The following HDHD2 variants were observed in gnomAD, a reference collection of about 807,000 sequenced individuals.
HDHD2 encodes haloacid dehalogenase-like hydrolase domain-containing protein 2.
A neutral mutation model predicts 24.8 loss-of-function variants in HDHD2; 26 were observed. That is an observed-to-expected ratio of 1.05 (90% CI 0.77 to 1.45). The LOEUF is 1.45. Ranked by LOEUF, HDHD2 falls within the 40% of genes most tolerant of loss-of-function variation. The probability of loss-of-function intolerance (pLI) is 0.00; values close to 1 mark genes in which losing one functional copy is unlikely to be tolerated. For synonymous variants in HDHD2, 128 were observed against 114.9 expected, an observed-to-expected ratio of 1.11 and a Z score of -0.73; for missense variants, 299 against 313.4, an observed-to-expected ratio of 0.95 and a Z score of 0.35.
intron 5 of HDHD2, among the ~76,000 whole-genome samples, chr18:47,114,868 G>A (rs976156222): frequency 2.0e-5 from 3 of 150,844 alleles, no homozygotes; most frequent in Admixed American, 1.3e-4. Flanking sequence ...TATATTATAG[G>A]AGTTAACTAC....
chr18:47,123,771 A>G (rs1388515992), intron 4 of HDHD2, among the ~76,000 whole-genome samples: 1 of 152,258 alleles, frequency 6.6e-6, no homozygotes, highest in African/African-American at 2.4e-5. Flanking sequence ...ATAGACTGGA[A>G]GATATATTAT....
chr18:47,135,686 T>C (rs9950969), intron 2 of HDHD2, among the ~76,000 whole-genome samples: 1 of 152,244 alleles, frequency 6.6e-6, no homozygotes, highest in Non-Finnish European at 1.5e-5. Flanking sequence ...TAAAGATCCT[T>C]AATATATGTT....
chr18:47,110,644 G>A, intron 6 of HDHD2: 1 of 982,730 alleles, frequency 1.0e-6, no homozygotes. Flanking sequence ...CTAGCACACA[G>A]CAGGGGCTCA....
At chr18:47,134,815 A>T in intron 2 of HDHD2, 111 bp from the exon 3 acceptor site, 1 of 797,668 alleles carries the variant, frequency 1.3e-6, no homozygotes. Context: ...GCAACATGAC[A>T]ATGTGTAGCC....
intron 1 of HDHD2, among the ~76,000 whole-genome samples, chr18:47,141,140 T>C (rs2063816108): frequency 6.6e-6 from 1 of 152,196 alleles, no homozygotes; most frequent in South Asian, 2.1e-4. Context: ...TTCCCTTCTA[T>C]TCCCAGTTTG....
chr18:47,118,163 G>C (rs1488980949), intron 4 of HDHD2, among the ~76,000 whole-genome samples: 1 of 152,158 alleles, frequency 6.6e-6, no homozygotes, highest in Non-Finnish European at 1.5e-5. Flanking sequence ...AGCAGCGAGA[G>C]AAAGCTGAAG....
intron 4 of HDHD2, among the ~76,000 whole-genome samples, chr18:47,117,933 T>C (rs1351883927): frequency 6.6e-6 from 1 of 152,042 alleles, no homozygotes. Flanking sequence ...GGAAGAATAC[T>C]AGATTGGTTT....
At chr18:47,113,400 C>G (rs2063532074) in intron 5 of HDHD2, among the ~76,000 whole-genome samples, 1 of 152,210 alleles carries the variant, frequency 6.6e-6, no homozygotes, top group African/African-American at 2.4e-5. Flanking sequence ...GTAAATAATA[C>G]AGCTGCAGAC....
chr18:47,135,461 A>C (rs1419446140), intron 2 of HDHD2, among the ~76,000 whole-genome samples: 1 of 151,982 alleles, frequency 6.6e-6, no homozygotes, highest in Non-Finnish European at 1.5e-5. Flanking sequence ...GTGTTTCTCC[A>C]TGTCGGTCAG....
chr18:47,122,581 C>G (rs1159244404), intron 4 of HDHD2, among the ~76,000 whole-genome samples: 2 of 152,094 alleles, frequency 1.3e-5, no homozygotes, highest in Admixed American at 6.5e-5. Flanking sequence ...AAAAGTAATA[C>G]CAATCAACTC....
intron 1 of HDHD2, 40 bp downstream of exon 1, chr18:47,150,338 A>C (rs900475696): frequency 2.0e-5 from 3 of 152,380 alleles, no homozygotes; most frequent in African/African-American, 7.2e-5. Flanking sequence ...CCCGGCCCCA[A>C]TTGCGCTTCT....
At chr18:47,135,841 A>G (rs888324121) in intron 2 of HDHD2, among the ~76,000 whole-genome samples, 6 of 152,194 alleles carry the variant, frequency 3.9e-5, no homozygotes, top group South Asian at 4.1e-4. Flanking sequence ...CATGAGAAAT[A>G]TAAGACAGTC....
chr18:47,132,996 T>A (rs1345557675), intron 3 of HDHD2, among the ~76,000 whole-genome samples: 2 of 152,194 alleles, frequency 1.3e-5, no homozygotes, highest in East Asian at 1.9e-4. Flanking sequence ...GTGTTCGTTT[T>A]TTTATTTCCA....
chr18:47,115,486 C>A, intron 4 of HDHD2, 138 bp from the exon 5 acceptor site: 1 of 587,142 alleles, frequency 1.7e-6, no homozygotes, highest in Non-Finnish European at 3.0e-6. Flanking sequence ...TAATGACTTG[C>A]TGTCTTCTAA....
In HDHD2 at chr18:47,115,153, C is replaced by A. The variant is rs1260129262; in HGVS notation, c.591G>T (p.Glu197Asp). 3 of 1,613,594 alleles carry A rather than the reference C, an allele frequency of 1.9e-6. No individual in the cohort carries two copies. The highest frequency in any genetic ancestry group is 1.1e-5 in the South Asian group (1 of 91,046). The change falls in exon 5 of 7, where the codon GAG becomes GAT. Residue 197 changes from glutamate (E) to aspartate (D), a missense_variant. By Grantham distance (45) the Glu-to-Asp change is conservative (BLOSUM62 2). Transcript: ENST00000300605. ...EALRGTGCEP[E>D]EAVMIGDDCR... ...TTACATCTCCTATCATGACAGCCTC[C>A]TCAGGTTCACAGCCAGTGCCCCGCA... is the stretch of plus-strand genomic sequence containing the variant.
At chr18:47,134,797 T>C in intron 2 of HDHD2, 93 bp from the exon 3 acceptor site, 1 of 975,836 alleles carries the variant, frequency 1.0e-6, no homozygotes, top group East Asian at 2.4e-5. Context: ...CAAATGTTTT[T>C]ATGGCCAGCA....
chr18:47,141,173 G>T (rs961914040), intron 1 of HDHD2, among the ~76,000 whole-genome samples: 2 of 152,068 alleles, frequency 1.3e-5, no homozygotes, highest in Non-Finnish European at 2.9e-5. Flanking sequence ...GTCATAAATG[G>T]CTATTGGATT....
At chr18:47,120,272 A>G (rs145229138) in intron 4 of HDHD2, among the ~76,000 whole-genome samples, 4 of 152,322 alleles carry the variant, frequency 2.6e-5, no homozygotes, top group African/African-American at 4.8e-5. Flanking sequence ...GCCTTCATCA[A>G]TGATCTTAGC....
intron 3 of HDHD2, 24 bp from the exon 4 acceptor site, chr18:47,130,352 T>C (rs538802953): frequency 3.4e-6 from 5 of 1,471,204 alleles, no homozygotes; most frequent in African/African-American, 1.4e-5. Flanking sequence ...AAAAAAATGA[T>C]TGTTGCAAAT....
Sources: gnomAD v4.1 joint callset for allele counts (sites outside exome capture counted in the v4.1 genomes callset) on GRCh38, gnomAD v4.1.1 for gene constraint, MANE v1.5 for transcripts, NCBI Gene and HGNC (gene_info 2026-07-23, HGNC 2026-07-21) for gene names.